The following PKDCC variants were observed in gnomAD, a reference collection of about 807,000 sequenced individuals.
The protein encoded by PKDCC is protein kinase domain containing, cytoplasmic, also known as extracellular tyrosine-protein kinase PKDCC.
PKDCC carries 35 observed loss-of-function variants against 44.7 expected under a neutral mutation model. That is an observed-to-expected ratio of 0.78 (90% CI 0.60 to 1.04). The LOEUF is 1.04. Ranked by LOEUF, PKDCC falls within the 50% of genes least tolerant of loss-of-function variation. PKDCC has a pLI of 0.00. For missense variants in PKDCC, 738 were observed against 672.7 expected (o/e 1.10, Z -1.07); for synonymous variants, 353 against 303.3 (o/e 1.16, Z -1.70).
At position 42,058,223 on chromosome 2, in the gene PKDCC, C is replaced by G. The variant is rs1254940399; in HGVS notation, c.*535C>G. 6.5e-6 allele frequency: 1 copy of G among 154,842 alleles called. No individual in the cohort carries two copies. Among genetic ancestry groups the G allele is most frequent in the African/African-American group, 2.4e-5 (1 of 41,392 alleles). The allele number at this position is 154,842 out of a possible 1,614,324, so 9.6% of individuals were successfully genotyped here. On this transcript the variant is annotated 3_prime_UTR_variant, in exon 7 of 7. Coordinates refer to ENST00000294964, the MANE Select transcript of PKDCC (RefSeq NM_138370.3). This position sits in a 1 kb window ranked among gnomAD's most constrained non-coding sequence, Gnocchi z 4.2. ...GGGGAGGCTATCTCTGACCTCCCGA[C>G]AGGGGACACTCCCAGGCCAGCCCAG...
At chr2:42,057,091 G>A (rs938302461) in intron 5 of PKDCC, 130 bp from the exon 6 acceptor site, 10 of 1,026,934 alleles carry the variant, frequency 9.7e-6, no homozygotes, top group Non-Finnish European at 1.5e-5. Flanking sequence ...CTGCGTGCTA[G>A]AGGGCTGGGC....
chr2:42,053,621 A>G, intron 2 of PKDCC: 1 of 542,992 alleles, frequency 1.8e-6, no homozygotes, highest in East Asian at 3.1e-5. Flanking sequence ...GGCACCTTAA[A>G]GAGGGGAGCA....
At chr2:42,053,513 G>T (rs996527554) in intron 2 of PKDCC, 152 bp downstream of exon 2, 11 of 1,085,410 alleles carry the variant, frequency 1.0e-5, no homozygotes, top group Non-Finnish European at 1.4e-5. Flanking sequence ...CGGCCAAAGG[G>T]TTCAAAAAAG....
In PKDCC at chr2:42,051,521, G is replaced by T. The variant is rs895404234; in HGVS notation, c.640-1718G>T. 6.6e-6 allele frequency among the ~76,000 whole-genome samples: 1 copy of T among 152,102 alleles called. No individual in the cohort carries two copies. The highest frequency in any genetic ancestry group is 1.5e-5 in the Non-Finnish European group (1 of 68,006). ...TGGTGTCTTTTTATTTTTTCCTGAG[G>T]GGTGTTGATTAATACCTCGTTAACA... On this transcript the variant is annotated intron_variant, in intron 1 of 6. Transcript: ENST00000294964. The surrounding 1 kb of genome is among the most constrained non-coding windows in gnomAD (Gnocchi z 4.2).
In PKDCC at chr2:42,051,250, G is replaced by A. The variant is rs1277872277; in HGVS notation, c.640-1989G>A. On this transcript the variant is annotated intron_variant, in intron 1 of 6. Transcript: ENST00000294964. The surrounding 1 kb of genome is among the most constrained non-coding windows in gnomAD (Gnocchi z 4.2). Reference sequence around the variant, plus strand: ...CCTCCCCATCCCGCCCCTGACACACGCATACACACTCCCTCACGTGACTTG... The same window carrying A: ...CCTCCCCATCCCGCCCCTGACACACACATACACACTCCCTCACGTGACTTG... Among the ~76,000 whole-genome samples the A allele has an allele frequency of 1.4e-5, 2 of 142,510 alleles. No homozygotes were observed. The highest frequency in any genetic ancestry group is 2.6e-5 in the African/African-American group (1 of 38,582). 93.5% of individuals were successfully genotyped at this position (142,510 alleles called of 152,430 possible). A position where few individuals can be genotyped will look rare whatever the true frequency, so the allele number is the denominator to read the frequency against.
At chr2:42,053,994 C>T (rs999417240) in intron 2 of PKDCC, 42 bp from the exon 3 acceptor site, 3 of 1,586,590 alleles carry the variant, frequency 1.9e-6, no homozygotes, top group Non-Finnish European at 8.6e-7. Context: ...GACCCCCAAC[C>T]CAGGAGAAAA....
At position 42,051,036 on chromosome 2, in the gene PKDCC, G is replaced by A. The variant is rs1224270707; in HGVS notation, c.639+2198G>A. 6.6e-6 allele frequency among the ~76,000 whole-genome samples: 1 copy of A among 152,130 alleles called. No individual in the cohort carries two copies. The highest frequency in any genetic ancestry group is 2.4e-5 in the African/African-American group (1 of 41,420). ...TGACTGTTTGCTGAACTGGGGAGGA[G>A]TTAGAGAACATTTCTAGAGTTCCTA... On this transcript the variant is annotated intron_variant, in intron 1 of 6. Transcript: ENST00000294964. This position sits in a 1 kb window ranked among gnomAD's most constrained non-coding sequence, Gnocchi z 4.2.
rs1054458105 is a variant in PKDCC at position 42,052,664 on chromosome 2, G to A, written c.640-575G>A. ...CTCGGGAGGCTGAGGCAGGAGAATC[G>A]CCCGCACCCAGGAAGCAGAGTGAGC... On this transcript the variant is annotated intron_variant, in intron 1 of 6. Transcript: ENST00000294964. The surrounding 1 kb of genome is among the most constrained non-coding windows in gnomAD (Gnocchi z 4.3). Among the ~76,000 whole-genome samples, 24 of 151,394 alleles carry A rather than the reference G, an allele frequency of 1.6e-4. No individual in the cohort carries two copies. The highest frequency in any genetic ancestry group is 4.4e-4 in the African/African-American group (18 of 41,146).
intron 1 of PKDCC, among the ~76,000 whole-genome samples, chr2:42,050,033 G>A (rs1030927075): frequency 6.6e-6 from 1 of 152,194 alleles, no homozygotes; most frequent in African/African-American, 2.4e-5. Context: ...AGGGAGATGG[G>A]TGGGCGTCGT....
At chr2:42,053,545 G>A (rs893567700) in intron 2 of PKDCC, 184 bp downstream of exon 2, 16 of 779,832 alleles carry the variant, frequency 2.1e-5, no homozygotes, top group Non-Finnish European at 2.8e-5. Context: ...AAAGGATCCC[G>A]ACATGCTGTG....
rs1255649304 is a variant in PKDCC, at chr2:42,048,413, C to G, written c.214C>G (p.Arg72Gly). 7.9e-6 allele frequency: 9 copies of G among 1,136,876 alleles called. No individual in the cohort carries two copies. The highest frequency in any genetic ancestry group is 9.7e-6 in the Non-Finnish European group (9 of 930,150). The allele number at this position is 1,136,876 out of a possible 1,614,324, so 70.4% of individuals were successfully genotyped here. ...ARYEEVQRYS[R>G]GGPGPGAGRP... is the part of the protein sequence containing the mutation. ...CTACGAGGAGGTGCAGCGCTATTCC[C>G]GCGGGGGCCCCGGGCCCGGGGCGGG... The change falls in exon 1 of 7, where the codon CGC (arginine) becomes GGC (glycine). Residue 72 changes from arginine to glycine, a missense_variant. Physicochemically the swap from Arg to Gly is moderately radical, Grantham distance 125. Coordinates refer to ENST00000294964, the MANE Select transcript of PKDCC (RefSeq NM_138370.3). The surrounding 1 kb of genome is among the most constrained non-coding windows in gnomAD (Gnocchi z 6.2).
rs1287105322 is a variant in PKDCC at position 42,048,094 on chromosome 2, G to C, written c.-106G>C. 1.5e-6 allele frequency: 1 copy of C among 664,686 alleles called. No homozygotes were observed. The highest frequency in any genetic ancestry group is 1.4e-4 in the East Asian group (1 of 7,206). 41.2% of individuals were successfully genotyped at this position (664,686 alleles called of 1,614,324 possible). Reference sequence around the variant, plus strand: ...CCGCCGGGGCCATGCGCGCGGGCTGGGCAGGGGGCCGGCGGGGCGCAGAGC... The same window carrying C: ...CCGCCGGGGCCATGCGCGCGGGCTGCGCAGGGGGCCGGCGGGGCGCAGAGC... On this transcript the variant is annotated 5_prime_UTR_variant, in exon 1 of 7. Transcript: ENST00000294964. The surrounding 1 kb of genome is among the most constrained non-coding windows in gnomAD (Gnocchi z 6.2).
Position 42,055,084 on chromosome 2 carries a change from G to T in PKDCC, c.1114+64G>T. ...CCCACCCCCACCCGCCAGCAAAAGT[G>T]GGGAGAAAAATAACCCAGGGCAGCA... On this transcript the variant is annotated intron_variant, in intron 4 of 6. Transcript: ENST00000294964. The surrounding 1 kb of genome is among the most constrained non-coding windows in gnomAD (Gnocchi z 4.5). 1 of 1,529,254 alleles carries T rather than the reference G, an allele frequency of 6.5e-7. No individual in the cohort carries two copies. Among genetic ancestry groups the T allele is most frequent in the Non-Finnish European group, 9.0e-7 (1 of 1,105,352 alleles). 94.7% of individuals were successfully genotyped at this position (1,529,254 alleles called of 1,614,324 possible). A position where few individuals can be genotyped will look rare whatever the true frequency, so the allele number is the denominator to read the frequency against.
intron 5 of PKDCC, among the ~76,000 whole-genome samples, chr2:42,056,223 T>C (rs1373089053): frequency 2.0e-5 from 3 of 152,110 alleles, no homozygotes; most frequent in Non-Finnish European, 4.4e-5. Flanking sequence ...GGCCCAGGGC[T>C]TCTGCATTAT....
rs888710687 is a variant in PKDCC at position 42,054,258 on chromosome 2, G to C, written c.985G>C (p.Gly329Arg). Residue 329 changes from glycine to arginine, a missense_variant, in exon 3 of 7, where the codon GGC becomes CGC. Physicochemically the swap from Gly to Arg is moderately radical, Grantham distance 125. Coordinates refer to ENST00000294964, the MANE Select transcript of PKDCC (RefSeq NM_138370.3). The surrounding 1 kb of genome is among the most constrained non-coding windows in gnomAD (Gnocchi z 6.1). Reference protein sequence around the residue: ...RNFTLPCSAQGWCEGMNEKRN... With the variant: ...RNFTLPCSAQRWCEGMNEKRN... Reference sequence around the variant, plus strand: ...CTTCACCCTGCCCTGCTCAGCCCAGGGCTGGTGCGAGGGCATGAACGAGAA... The same window carrying C: ...CTTCACCCTGCCCTGCTCAGCCCAGCGCTGGTGCGAGGGCATGAACGAGAA... The C allele has an allele frequency of 2.5e-6, 4 of 1,606,204 alleles. No individual in the cohort carries two copies. The highest frequency in any genetic ancestry group is 3.4e-6 in the Non-Finnish European group (4 of 1,176,102).
At position 42,055,391 on chromosome 2, in the gene PKDCC, C is replaced by T. The variant is rs1005828441; in HGVS notation, c.1220C>T (p.Thr407Ile). 1.9e-6 allele frequency: 3 copies of T among 1,612,800 alleles called. No individual in the cohort carries two copies. The highest frequency in any genetic ancestry group is 1.3e-5 in the African/African-American group (1 of 74,906). ...CAGAACTCCACGGCAAGCAGCAGTA[C>T]CGGTGAGTGGCCCCAAGCTGATCCA... ...YLQNSTASSSTEYQCIPDSTI... is the reference protein window; with the variant it reads ...YLQNSTASSSIEYQCIPDSTI... Residue 407 changes from threonine to isoleucine, a missense_variant and splice_region_variant, in exon 5 of 7, where the codon ACC becomes ATC. Coordinates refer to ENST00000294964, the MANE Select transcript of PKDCC (RefSeq NM_138370.3). The surrounding 1 kb of genome is among the most constrained non-coding windows in gnomAD (Gnocchi z 4.5).
At position 42,048,905 on chromosome 2, in the gene PKDCC, T is replaced by A; in HGVS notation, c.639+67T>A. On this transcript the variant is annotated intron_variant, in intron 1 of 6. Transcript: ENST00000294964. The surrounding 1 kb of genome is among the most constrained non-coding windows in gnomAD (Gnocchi z 6.2). The stretch of plus-strand genomic sequence containing the variant: ...GTGCCCAAGACCTTGTCAACCTGGC[T>A]GGAAGAGAACCCCTTGATCTGGAGT... 1 of 1,376,424 alleles carries A rather than the reference T, an allele frequency of 7.3e-7. No individual in the cohort carries two copies. The highest frequency in any genetic ancestry group is 9.4e-7 in the Non-Finnish European group (1 of 1,060,030). The allele number at this position is 1,376,424 out of a possible 1,614,324, so 85.3% of individuals were successfully genotyped here. A position where few individuals can be genotyped will look rare whatever the true frequency, so the allele number is the denominator to read the frequency against.
intron 2 of PKDCC, 102 bp from the exon 3 acceptor site, chr2:42,053,934 C>G (rs1049859219): frequency 1.9e-5 from 27 of 1,456,796 alleles, no homozygotes; most frequent in Non-Finnish European, 2.3e-5. Flanking sequence ...AGTGCCAACC[C>G]CCACAAGCAA....
chr2:42,057,769 C>A lies in PKDCC; in HGVS notation c.*81C>A. 2 of 1,182,432 alleles carry A rather than the reference C, an allele frequency of 1.7e-6. No homozygotes were observed. Among genetic ancestry groups the A allele is most frequent in the Non-Finnish European group, 1.2e-6 (1 of 814,034 alleles). 73.2% of individuals were successfully genotyped at this position (1,182,432 alleles called of 1,614,324 possible). ...TGGAGGGAGTGACTTGCACTGGCAG[C>A]ACTGCATGTCACCTGGGAACCCCTG... On this transcript the variant is annotated 3_prime_UTR_variant, in exon 7 of 7. Transcript: ENST00000294964.
Sources: allele counts gnomAD v4.1 joint callset (sites outside exome capture counted in the v4.1 genomes callset), GRCh38; gene constraint gnomAD v4.1.1; non-coding constraint Gnocchi (gnomAD v3.1); transcripts MANE v1.5; gene names NCBI Gene and HGNC (gene_info 2026-07-23, HGNC 2026-07-21).